The following HS6ST2 variants were observed in gnomAD, a reference collection of about 807,000 sequenced individuals.
HS6ST2 encodes heparan sulfate 6-O-sulfotransferase 2, also known as heparan-sulfate 6-O-sulfotransferase 2.
In HS6ST2, 17 loss-of-function variants were observed where a neutral mutation model predicts 33.0. That is an observed-to-expected ratio of 0.52 (90% confidence interval 0.35 to 0.77). HS6ST2 has a LOEUF of 0.77. Ranked by LOEUF, HS6ST2 falls within the 30% of genes least tolerant of loss-of-function variation. The pLI, the probability that HS6ST2 is intolerant of heterozygous loss-of-function variation, is 0.01. For missense variants in HS6ST2, 519 were observed against 551.7 expected, an observed-to-expected ratio of 0.94 and a Z score of 0.59; for synonymous variants, 248 against 237.1, an observed-to-expected ratio of 1.05 and a Z score of -0.42.
At chrX:132,798,372 G>A (rs2065205157) in intron 2 of HS6ST2, among the ~76,000 whole-genome samples, 2 of 111,252 alleles carry the variant, frequency 1.8e-5, no homozygotes, top group Non-Finnish European at 3.8e-5. Flanking sequence ...CAGCAGAATA[G>A]CCAGCAGGGA....
At chrX:132,931,661 G>C (rs975746080) in intron 2 of HS6ST2, among the ~76,000 whole-genome samples, 4 of 111,641 alleles carry the variant, frequency 3.6e-5, no homozygotes, top group Non-Finnish European at 7.5e-5. Context: ...ATAAAACAGA[G>C]AGTTCCAAAG....
At chrX:132,905,210 G>A (rs184785011) in intron 2 of HS6ST2, among the ~76,000 whole-genome samples, 1 of 111,669 alleles carries the variant, frequency 9.0e-6, no homozygotes, top group African/African-American at 3.3e-5. Context: ...ATCTTTTGAA[G>A]AACAAAATGA....
intron 2 of HS6ST2, among the ~76,000 whole-genome samples, chrX:132,719,175 A>G (rs2064305438): frequency 9.0e-6 from 1 of 111,430 alleles, no homozygotes; most frequent in South Asian, 3.8e-4. Context: ...TGACCTTGAC[A>G]TCGTTTAGAA....
intron 2 of HS6ST2, among the ~76,000 whole-genome samples, chrX:132,936,207 A>C (rs1362757994): frequency 9.0e-6 from 1 of 111,502 alleles, no homozygotes; most frequent in Non-Finnish European, 1.9e-5. Flanking sequence ...GAACAGCTGC[A>C]TGCCAATAAA....
intron 2 of HS6ST2, among the ~76,000 whole-genome samples, chrX:132,858,453 T>C (rs1010079654): frequency 4.5e-5 from 5 of 112,227 alleles, no homozygotes; most frequent in African/African-American, 1.6e-4. Flanking sequence ...CCTTACCTCC[T>C]GTGTTCCTAA....
chrX:132,779,766 A>G (rs1205841677), intron 2 of HS6ST2, among the ~76,000 whole-genome samples: 1 of 109,325 alleles, frequency 9.1e-6, no homozygotes, highest in African/African-American at 3.5e-5. Flanking sequence ...AGTTCACAGG[A>G]ATAAATTCCC....
chrX:132,778,599 T>C (rs1197434126), intron 2 of HS6ST2, among the ~76,000 whole-genome samples: 1 of 108,360 alleles, frequency 9.2e-6, no homozygotes, highest in Non-Finnish European at 1.9e-5. Context: ...AGAGATGGGG[T>C]TTCACCATGT....
At chrX:132,712,441 G>T (rs2064239852) in intron 2 of HS6ST2, among the ~76,000 whole-genome samples, 1 of 112,299 alleles carries the variant, frequency 8.9e-6, no homozygotes, top group Non-Finnish European at 1.9e-5. Flanking sequence ...AAAGTCCCAG[G>T]CTAAGGACTG....
intron 2 of HS6ST2, among the ~76,000 whole-genome samples, chrX:132,886,734 A>G (rs1012248706): frequency 2.7e-5 from 3 of 111,487 alleles, no homozygotes; most frequent in Non-Finnish European, 5.6e-5. Flanking sequence ...AGAAAAATCT[A>G]GAAAGAAACA....
intron 2 of HS6ST2, among the ~76,000 whole-genome samples, chrX:132,867,519 C>G (rs776007202): frequency 1.8e-5 from 2 of 111,927 alleles, no homozygotes; most frequent in East Asian, 5.6e-4. Context: ...AGGATTCCCT[C>G]TTTTTCTACT....
intron 2 of HS6ST2, among the ~76,000 whole-genome samples, chrX:132,752,817 A>G (rs1311104526): frequency 8.9e-6 from 1 of 112,276 alleles, no homozygotes; most frequent in Non-Finnish European, 1.9e-5. Context: ...CTATGACATT[A>G]TGTCTTGATT....
intron 2 of HS6ST2, among the ~76,000 whole-genome samples, chrX:132,797,733 C>T (rs1233279936): frequency 1.8e-5 from 2 of 110,292 alleles, no homozygotes; most frequent in Non-Finnish European, 3.8e-5. Flanking sequence ...AAGTTGAGGC[C>T]GGGTGCGGTG....
intron 2 of HS6ST2, among the ~76,000 whole-genome samples, chrX:132,712,103 T>C (rs954879040): frequency 1.8e-5 from 2 of 112,061 alleles, no homozygotes; most frequent in Admixed American, 1.9e-4. Flanking sequence ...CCTACCACTG[T>C]TCCAGAGCTG....
chrX:132,648,290 T>C (rs2063662306), intron 4 of HS6ST2, among the ~76,000 whole-genome samples: 1 of 111,346 alleles, frequency 9.0e-6, no homozygotes, highest in Admixed American at 9.6e-5. Context: ...TCATTTGCCT[T>C]GGAACCACAG....
intron 2 of HS6ST2, among the ~76,000 whole-genome samples, chrX:132,771,629 G>C (rs953717925): frequency 9.0e-6 from 1 of 111,566 alleles, no homozygotes; most frequent in Non-Finnish European, 1.9e-5. Flanking sequence ...CACAAAAATG[G>C]GCTTCTTGTC....
chrX:132,638,682 C>T (rs926874554), intron 4 of HS6ST2, among the ~76,000 whole-genome samples: 1 of 112,074 alleles, frequency 8.9e-6, no homozygotes, highest in Non-Finnish European at 1.9e-5. Flanking sequence ...ATGCTGTGGG[C>T]TGCTGACTTA....
chrX:132,727,246 G>A (rs922943211), intron 2 of HS6ST2, among the ~76,000 whole-genome samples: 1 of 98,032 alleles, frequency 1.0e-5, no homozygotes, highest in South Asian at 6.3e-4. Flanking sequence ...TGGGGGGGGG[G>A]GCATAGAGAT....
chrX:132,775,680 C>T (rs1017958936), intron 2 of HS6ST2, among the ~76,000 whole-genome samples: 7 of 111,691 alleles, frequency 6.3e-5, no homozygotes, highest in Middle Eastern at 4.6e-3. Context: ...AATGGCAAGC[C>T]GATTGAGCTC....
chrX:132,744,313 A>G (rs2064613950), intron 2 of HS6ST2, among the ~76,000 whole-genome samples: 1 of 111,666 alleles, frequency 9.0e-6, no homozygotes, highest in Non-Finnish European at 1.9e-5. Context: ...GAAGCTTTAG[A>G]GTCACTACAG....
Sources: allele counts gnomAD v4.1 joint callset (sites outside exome capture counted in the v4.1 genomes callset), GRCh38; gene constraint gnomAD v4.1.1; transcripts MANE v1.5; gene names NCBI Gene and HGNC (gene_info 2026-07-23, HGNC 2026-07-21).